ARID4B: variants seen among roughly 807,000 people sequenced by gnomAD.
ARID4B encodes AT-rich interaction domain 4B.
ARID4B carries 26 observed loss-of-function variants against 147.5 expected under a neutral mutation model. The ratio of observed to expected loss-of-function variants is 0.18; its 90% CI spans 0.13 to 0.24. ARID4B has a LOEUF of 0.24. ARID4B is among the 10% of genes least tolerant of loss of function. The pLI, the probability that ARID4B is intolerant of heterozygous loss-of-function variation, is 1.00. For missense variants in ARID4B, 1,179 were observed against 1,511.5 expected (o/e 0.78, Z 3.65); for synonymous variants, 512 against 507.9 (o/e 1.01, Z -0.11).
chr1:235,268,300 T>C (rs1478016099), intron 2 of ARID4B, among the ~76,000 whole-genome samples: 3 of 152,128 alleles, frequency 2.0e-5, no homozygotes, highest in Non-Finnish European at 4.4e-5. Context: ...GAAGTCTAAA[T>C]ATTGGACTGG....
intron 17 of ARID4B, among the ~76,000 whole-genome samples, chr1:235,211,004 T>C (rs1666681638): frequency 6.6e-6 from 1 of 152,204 alleles, no homozygotes; most frequent in Admixed American, 6.5e-5. Context: ...TTCTTATATC[T>C]ACTAAGCCTT....
At chr1:235,200,327 C>T (rs1312188162) in intron 17 of ARID4B, among the ~76,000 whole-genome samples, 11 of 152,216 alleles carry the variant, frequency 7.2e-5, no homozygotes, top group South Asian at 6.2e-4. Context: ...GGCGTGGTAG[C>T]GGGCGCCTGT....
At chr1:235,204,694 A>G (rs537593384) in intron 17 of ARID4B, among the ~76,000 whole-genome samples, 1 of 152,312 alleles carries the variant, frequency 6.6e-6, no homozygotes, top group African/African-American at 2.4e-5. Flanking sequence ...TGCATATTGT[A>G]ATGCAGATGC....
chr1:235,263,928 G>T (rs534593214), intron 2 of ARID4B, among the ~76,000 whole-genome samples: 1 of 151,824 alleles, frequency 6.6e-6, no homozygotes, highest in Non-Finnish European at 1.5e-5. Flanking sequence ...TGGGAGGCGG[G>T]GCTTGCAGTG....
At chr1:235,317,467 T>C (rs1468066427) in intron 2 of ARID4B, among the ~76,000 whole-genome samples, 5 of 152,224 alleles carry the variant, frequency 3.3e-5, no homozygotes, top group African/African-American at 1.2e-4. Context: ...TTTTCCCTTT[T>C]TGACTCTTTC....
chr1:235,194,221 G>GA lies in ARID4B; in HGVS notation c.1927-11dup, dbSNP rs1401453425. ...CTTTGTCTAATTTATTCTAGGTTAA[G>GA]AAAAAAAGTATGTCGTAATTTATCA... On this transcript the variant is annotated splice_polypyrimidine_tract_variant and intron_variant, in intron 18 of 23. Coordinates refer to ENST00000264183, the MANE Select transcript of ARID4B (RefSeq NM_016374.6). 2 of 1,572,416 alleles carry GA rather than the reference G, an allele frequency of 1.3e-6. No individual in the cohort carries two copies. The highest frequency in any genetic ancestry group is 2.2e-5 in the East Asian group (1 of 44,574).
intron 16 of ARID4B, 86 bp downstream of exon 16, chr1:235,219,707 T>A (rs1299750194): frequency 2.8e-6 from 3 of 1,089,336 alleles, no homozygotes; most frequent in Non-Finnish European, 4.0e-6. Context: ...TCAATTAATT[T>A]AGATTCATAC....
chr1:235,173,127 C>T (rs1281389286), intron 22 of ARID4B, among the ~76,000 whole-genome samples: 4 of 151,546 alleles, frequency 2.6e-5, no homozygotes, highest in South Asian at 2.1e-4. Context: ...GGGCGGATCA[C>T]GAGGTCAGGA....
At chr1:235,173,769 AAAATATATATATATATATAT>A (rs1218813313) in intron 22 of ARID4B, among the ~76,000 whole-genome samples, 2 of 38,182 alleles carry the variant, frequency 5.2e-5, no homozygotes, top group Non-Finnish European at 8.6e-5. Flanking sequence ...AAAAAAAAAA[AAAATATATATATATATATAT>A]ATATATATAT....
chr1:235,221,935 A>G (rs1425184233), intron 13 of ARID4B, among the ~76,000 whole-genome samples: 1 of 54,406 alleles, frequency 1.8e-5, no homozygotes, highest in South Asian at 4.2e-4. Context: ...ACAGGATCTT[A>G]TTCTATTGCC....
intron 2 of ARID4B, among the ~76,000 whole-genome samples, chr1:235,308,920 C>T (rs965778139): frequency 2.0e-5 from 3 of 152,202 alleles, no homozygotes; most frequent in Non-Finnish European, 2.9e-5. Flanking sequence ...TGAGGAGCGT[C>T]TCTGCCTGGC....
Position 235,223,194 on chromosome 1 carries a change from A to G in ARID4B, c.1037T>C (p.Leu346Pro), listed in dbSNP as rs1667582876. 1 of 1,587,708 alleles carries G rather than the reference A, an allele frequency of 6.3e-7. No individual in the cohort carries two copies. Among genetic ancestry groups the G allele is most frequent in the African/African-American group, 1.4e-5 (1 of 73,312 alleles). Residue 346 changes from leucine (L) to proline (P), a missense_variant, in exon 13 of 24, where the codon CTT (leucine) becomes CCT (proline). Physicochemically the swap from Leu to Pro is moderately conservative, Grantham distance 98. Around this residue, in one of 10 missense-constraint regions of ARID4B, gnomAD observed 26 missense variants for 77.9 expected, o/e 0.33. Coordinates refer to ENST00000264183, the MANE Select transcript of ARID4B (RefSeq NM_016374.6). ...ATCAAATCCTCCAAGTTTGTGTACA[A>G]GTCTGAATAACTTAAAGAGATTCAA... is the stretch of plus-strand genomic sequence containing the variant. The part of the protein sequence containing the change: ...RNLNLFKLFR[L>P]VHKLGGFDNI...
chr1:235,176,725 G>A (rs2102909157), intron 21 of ARID4B: 1 of 401,044 alleles, frequency 2.5e-6, no homozygotes, highest in Non-Finnish European at 5.0e-6. Flanking sequence ...AGCCGCCCGG[G>A]GCCCCAGGGA....
intron 2 of ARID4B, among the ~76,000 whole-genome samples, chr1:235,302,172 A>AAAC (rs1673208067): frequency 6.9e-6 from 1 of 145,770 alleles, no homozygotes; most frequent in Non-Finnish European, 1.5e-5. Context: ...AAAAAAAAAA[A>AAAC]AAAAACAGCA....
At chr1:235,216,332 C>CAT (rs1553293490) in intron 16 of ARID4B, among the ~76,000 whole-genome samples, 2 of 151,152 alleles carry the variant, frequency 1.3e-5, no homozygotes, top group East Asian at 1.9e-4. Context: ...CACACACACA[C>CAT]ATATATACGT....
chr1:235,239,166 T>C (rs1382766028), intron 8 of ARID4B, among the ~76,000 whole-genome samples: 1 of 151,992 alleles, frequency 6.6e-6, no homozygotes, highest in African/African-American at 2.4e-5. Flanking sequence ...GAGACGGGGT[T>C]TTGCCCTGTT....
chr1:235,308,724 G>A (rs999708524), intron 2 of ARID4B, among the ~76,000 whole-genome samples: 2 of 152,204 alleles, frequency 1.3e-5, no homozygotes, highest in Non-Finnish European at 2.9e-5. Context: ...TGATCCGCCA[G>A]CCTCAGCCTC....
chr1:235,219,664 TA>T, intron 16 of ARID4B, 128 bp downstream of exon 16: 1 of 708,168 alleles, frequency 1.4e-6, no homozygotes, highest in African/African-American at 1.9e-5. Context: ...ATTTAATTAA[TA>T]AATGCCAATC....
At chr1:235,283,196 A>G (rs546525183) in intron 2 of ARID4B, among the ~76,000 whole-genome samples, 2 of 152,366 alleles carry the variant, frequency 1.3e-5, no homozygotes, top group South Asian at 4.1e-4. Context: ...CTGGTATAAA[A>G]GAGCAAAGAG....
Sources: gnomAD v4.1 joint callset for allele counts (sites outside exome capture counted in the v4.1 genomes callset) on GRCh38, gnomAD v4.1.1 for gene constraint, gnomAD v4.1.1 regional missense constraint, MANE v1.5 for transcripts, NCBI Gene and HGNC (gene_info 2026-07-23, HGNC 2026-07-21) for gene names.